Variants in MLX observed in about 807,000 individuals in gnomAD.
MLX encodes MAX dimerization protein MLX.
A neutral mutation model predicts 33.0 loss-of-function variants in MLX; 15 were observed. The ratio of observed to expected loss-of-function variants is 0.45; its 90% CI spans 0.30 to 0.70. The LOEUF (loss-of-function observed/expected upper bound fraction) is 0.70, where lower values mean the gene tolerates loss of function less well. Ranked by LOEUF, MLX falls within the 30% of genes least tolerant of loss-of-function variation. The pLI, the probability that MLX is intolerant of heterozygous loss-of-function variation, is 0.07. For missense variants in MLX, 285 were observed against 306.3 expected, an observed-to-expected ratio of 0.93 and a Z score of 0.52; for synonymous variants, 115 against 115.6, an observed-to-expected ratio of 0.99 and a Z score of 0.03.
intron 7 of MLX, among the ~76,000 whole-genome samples, 173 bp from the exon 8 acceptor site, chr17:42,571,374 G>A (rs984635654): frequency 6.6e-6 from 1 of 152,086 alleles, no homozygotes; most frequent in South Asian, 2.1e-4. Flanking sequence ...TGATCCACCC[G>A]CCTTGGCCTC....
intron 2 of MLX, 125 bp from the exon 3 acceptor site, chr17:42,568,345 T>A (rs2143249984): frequency 5.0e-6 from 3 of 602,604 alleles, no homozygotes; most frequent in Non-Finnish European, 8.6e-6. Flanking sequence ...CCTGGGCGAC[T>A]GAGCGAGACT....
In MLX at chr17:42,569,230, C is replaced by T. The variant is rs776285934; in HGVS notation, c.303C>T (p.Ile101=). 4.0e-5 allele frequency: 65 copies of T among 1,614,030 alleles called. No individual in the cohort carries two copies. Among genetic ancestry groups the T allele is most frequent in the Non-Finnish European group, 5.3e-5 (62 of 1,180,032 alleles). Residue 101 remains isoleucine, a synonymous_variant, in exon 5 of 8, where the codon ATC becomes ATT. Transcript: ENST00000435881. ...IKRGYDDLQT[I]VPTCQQQDFS... is the part of the protein sequence containing the mutation. ...GAGGCTATGATGACCTTCAGACCAT[C>T]GTCCCCACTTGCCAGCAGCAGGACT...
rs1567908875 is a variant in MLX, at chr17:42,569,290, C to G, written c.363C>G (p.Ile121Met). 6.2e-7 allele frequency: 1 copy of G among 1,613,778 alleles called. No individual in the cohort carries two copies. Among genetic ancestry groups the G allele is most frequent in the Non-Finnish European group, 8.5e-7 (1 of 1,179,818 alleles). ...GCTCCCAAAAGCTCAGCAAAGCCAT[C>G]GTTCTACAAAAGAGTATGGCTAGGG... is the stretch of plus-strand genomic sequence containing the variant. ...SIGSQKLSKA[I>M]VLQKTIDYIQ... Residue 121 changes from isoleucine (I) to methionine (M), a missense_variant, in exon 5 of 8, where the codon ATC becomes ATG. By Grantham distance (10) the Ile-to-Met change is conservative. Transcript: ENST00000435881.
At chr17:42,567,231 C>A in intron 1 of MLX, 65 bp downstream of exon 1, 1 of 1,311,274 alleles carries the variant, frequency 7.6e-7, no homozygotes, top group Non-Finnish European at 9.8e-7. Flanking sequence ...CGTAGGGGGG[C>A]CGGAAGACGA....
chr17:42,572,833 G>T lies in MLX; in HGVS notation c.*1230G>T. On this transcript the variant is annotated 3_prime_UTR_variant, in exon 8 of 8. Transcript: ENST00000435881. ...CTACCCAGTGCTCTGGTTTATGCTT[G>T]TCTCCTGACTGCTCTGCTTAAAGGT... 1 of 1,067,648 alleles carries T rather than the reference G, an allele frequency of 9.4e-7. No individual in the cohort carries two copies. Among genetic ancestry groups the T allele is most frequent in the Non-Finnish European group, 1.4e-6 (1 of 704,410 alleles). The allele number at this position is 1,067,648 out of a possible 1,614,324, so 66.1% of individuals were successfully genotyped here. A position where few individuals can be genotyped will look rare whatever the true frequency, so the allele number is the denominator to read the frequency against.
Position 42,572,265 on chromosome 17 carries a change from C to T in MLX, c.*662C>T. ...TGGTAAGGGAAGCCCTCCCGGTTCC[C>T]ACAGGCTATGATGCTGCATGGCAGA... On this transcript the variant is annotated 3_prime_UTR_variant, in exon 8 of 8. Transcript: ENST00000435881. 1 of 412,260 alleles carries T rather than the reference C, an allele frequency of 2.4e-6. No individual in the cohort carries two copies. The highest frequency in any genetic ancestry group is 4.9e-6 in the Non-Finnish European group (1 of 205,162). The allele number at this position is 412,260 out of a possible 1,614,324, so 25.5% of individuals were successfully genotyped here.
chr17:42,567,433 A>G, intron 1 of MLX, 186 bp from the exon 2 acceptor site: 1 of 1,377,388 alleles, frequency 7.3e-7, no homozygotes. Flanking sequence ...CGCACGCCCT[A>G]GCCTGTGCCA....
In MLX at chr17:42,568,584, C is replaced by T. The variant is rs374836928; in HGVS notation, c.169+25C>T. 5 of 1,574,804 alleles carry T rather than the reference C, an allele frequency of 3.2e-6. No individual in the cohort carries two copies. In the Admixed American group the frequency reaches 6.7e-5, roughly 21 times the overall value. On this transcript the variant is annotated intron_variant, in intron 3 of 7. Coordinates refer to ENST00000435881, the MANE Select transcript of MLX (RefSeq NM_198204.2). Reference sequence around the variant, plus strand: ...GGTAGGCAGTAACATCCCCCCCGACCTCGGGGGGCTCAGATATGTCATAAT... The same window carrying T: ...GGTAGGCAGTAACATCCCCCCCGACTTCGGGGGGCTCAGATATGTCATAAT...
rs764612613 is a variant in MLX, at chr17:42,572,970, A to G, written c.*1367A>G. On this transcript the variant is annotated 3_prime_UTR_variant, in exon 8 of 8. Transcript: ENST00000435881. ...CACCAGTCCTGACCGTGGGCCCCTC[A>G]GGGGTCTGGGAGTGTGACGTTGTAA... is the stretch of plus-strand genomic sequence containing the variant. 1.9e-6 allele frequency: 3 copies of G among 1,614,104 alleles called. No homozygotes were observed. Among genetic ancestry groups the G allele is most frequent in the Non-Finnish European group, 2.5e-6 (3 of 1,179,964 alleles).
intron 1 of MLX, 122 bp from the exon 2 acceptor site, chr17:42,567,497 C>G: frequency 6.6e-7 from 1 of 1,526,578 alleles, no homozygotes; most frequent in Admixed American, 1.8e-5. Context: ...TGTGTGCAAG[C>G]GCGCAGGGTG....
Position 42,572,027 on chromosome 17 carries a change from CA to C in MLX, c.*426del, listed in dbSNP as rs1165422831. The C allele has an allele frequency of 7.9e-6, 2 of 252,444 alleles. No individual in the cohort carries two copies. Among genetic ancestry groups the C allele is most frequent in the East Asian group, 2.1e-4 (2 of 9,398 alleles). 15.6% of individuals were successfully genotyped at this position (252,444 alleles called of 1,614,324 possible). A position where few individuals can be genotyped will look rare whatever the true frequency, so the allele number is the denominator to read the frequency against. On this transcript the variant is annotated 3_prime_UTR_variant, in exon 8 of 8. Transcript: ENST00000435881. Reference sequence around the variant, plus strand: ...GCCCAAGTTTGGGCAACATTTGGCCCAAGTTTGGGCATTTTGGCAGTAGCTG... The same window carrying C: ...GCCCAAGTTTGGGCAACATTTGGCCCAGTTTGGGCATTTTGGCAGTAGCTG...
intron 7 of MLX, 31 bp downstream of exon 7, chr17:42,570,214 G>A (rs754863961): frequency 1.1e-5 from 18 of 1,606,580 alleles, no homozygotes; most frequent in Admixed American, 1.0e-4. Flanking sequence ...CAGGGTCTGC[G>A]GTTTTCTCTA....
chr17:42,569,378 A>G lies in MLX; in HGVS notation c.376+75A>G, dbSNP rs2093021767. On this transcript the variant is annotated intron_variant, in intron 5 of 7. Coordinates refer to ENST00000435881, the MANE Select transcript of MLX (RefSeq NM_198204.2). The stretch of plus-strand genomic sequence containing the variant: ...AGAGGCCAGTGCCTCCTACCCACCC[A>G]TGGCTCGGCCTTGGTGTGGTGATTG... 4.6e-6 allele frequency: 7 copies of G among 1,537,368 alleles called. No homozygotes were observed. In the Admixed American group the frequency reaches 6.7e-5, roughly 15 times the overall value.
chr17:42,567,348 G>T, intron 1 of MLX, 182 bp downstream of exon 1: 1 of 1,405,204 alleles, frequency 7.1e-7, no homozygotes, highest in Non-Finnish European at 9.3e-7. Context: ...CAAACGAGGC[G>T]TGTGCGCGCG....
intron 7 of MLX, among the ~76,000 whole-genome samples, chr17:42,570,438 G>A (rs1440477927): frequency 6.6e-6 from 1 of 152,130 alleles, no homozygotes; most frequent in Non-Finnish European, 1.5e-5. Flanking sequence ...CCATGTTATC[G>A]CTGCCCCTGT....
chr17:42,571,436 C>T (rs1416115370), intron 7 of MLX, 111 bp from the exon 8 acceptor site: 3 of 1,212,814 alleles, frequency 2.5e-6, no homozygotes, highest in Non-Finnish European at 3.7e-6. Context: ...CCCCGGGGGG[C>T]TATTTTTAAA....
chr17:42,568,366 A>G, intron 2 of MLX, 104 bp from the exon 3 acceptor site: 1 of 802,340 alleles, frequency 1.2e-6, no homozygotes, highest in Non-Finnish European at 2.0e-6. Flanking sequence ...CTGTCTAAAA[A>G]AAAAATAAAT....
At chr17:42,568,750 A>G in intron 3 of MLX, 87 bp from the exon 4 acceptor site, 1 of 1,238,912 alleles carries the variant, frequency 8.1e-7, no homozygotes, top group Non-Finnish European at 1.2e-6. Context: ...TCTGGACACC[A>G]GGTTCTTCCC....
Position 42,569,509 on chromosome 17 carries a change from A to G in MLX, c.379A>G (p.Ile127Val), listed in dbSNP as rs780954981. The G allele has an allele frequency of 1.2e-6, 2 of 1,613,662 alleles. No individual in the cohort carries two copies. Among genetic ancestry groups the G allele is most frequent in the Non-Finnish European group, 1.7e-6 (2 of 1,179,668 alleles). The change falls in exon 6 of 8, where the codon ATT becomes GTT. Residue 127 changes from isoleucine to valine, a missense_variant and splice_region_variant. By Grantham distance (29) the Ile-to-Val change is conservative. Coordinates refer to ENST00000435881, the MANE Select transcript of MLX (RefSeq NM_198204.2). ...TTTTTTTCTTGCCCCCACCCTAGCC[A>G]TTGACTACATTCAGTTTTTGCACAA... ...LSKAIVLQKT[I>V]DYIQFLHKEK...
Sources: gnomAD v4.1 joint callset for allele counts (sites outside exome capture counted in the v4.1 genomes callset) on GRCh38, gnomAD v4.1.1 for gene constraint, MANE v1.5 for transcripts, NCBI Gene and HGNC (gene_info 2026-07-23, HGNC 2026-07-21) for gene names.